Variants in WWOX observed in about 807,000 individuals in gnomAD.
WWOX encodes the protein WW domain-containing oxidoreductase.
WWOX carries 69 observed loss-of-function variants against 46.2 expected under a neutral mutation model. The observed-to-expected ratio is 1.49, with a 90% confidence interval of 1.23 to 1.82. The LOEUF (loss-of-function observed/expected upper bound fraction) is 1.82. Ranked by LOEUF, WWOX falls within the 40% of genes most tolerant of loss-of-function variation. The pLI is 0.00. For synonymous variants in WWOX, 359 were observed against 202.6 expected, an observed-to-expected ratio of 1.77 and a Z score of -6.56; for missense variants, 919 against 542.6, an observed-to-expected ratio of 1.69 and a Z score of -6.89.
intron 8 of WWOX, among the ~76,000 whole-genome samples, chr16:78,630,042 G>T (rs548545392): frequency 1.3e-5 from 2 of 152,176 alleles, no homozygotes; most frequent in East Asian, 3.9e-4. Flanking sequence ...TCTCACTCAT[G>T]TAGACTCGAA....
chr16:78,499,031 G>C (rs946552651), intron 8 of WWOX, among the ~76,000 whole-genome samples: 1 of 152,182 alleles, frequency 6.6e-6, no homozygotes, highest in African/African-American at 2.4e-5. Flanking sequence ...TTAATAGTTT[G>C]GCCTCTGGCA....
At chr16:78,646,106 T>C (rs2142129151) in intron 8 of WWOX, among the ~76,000 whole-genome samples, 1 of 152,290 alleles carries the variant, frequency 6.6e-6, no homozygotes, top group East Asian at 1.9e-4. Context: ...AGAACTTACA[T>C]CCCTCTACAA....
chr16:78,225,109 T>A (rs2037008213), intron 5 of WWOX, among the ~76,000 whole-genome samples: 1 of 152,218 alleles, frequency 6.6e-6, no homozygotes, highest in Admixed American at 6.5e-5. Flanking sequence ...ATGAAGATCA[T>A]AGAGTGTATT....
At chr16:78,791,219 G>A (rs1404325797) in intron 8 of WWOX, among the ~76,000 whole-genome samples, 1 of 151,846 alleles carries the variant, frequency 6.6e-6, no homozygotes, top group African/African-American at 2.4e-5. Context: ...GGGACAGGGC[G>A]GCCTCATGAA....
At chr16:79,045,335 A>G (rs1369932650) in intron 8 of WWOX, among the ~76,000 whole-genome samples, 1 of 152,128 alleles carries the variant, frequency 6.6e-6, no homozygotes, top group Non-Finnish European at 1.5e-5. Flanking sequence ...CTGGAGTTGC[A>G]TTTTAATTGG....
intron 8 of WWOX, among the ~76,000 whole-genome samples, chr16:78,784,182 A>C (rs985989646): frequency 1.3e-5 from 2 of 152,192 alleles, no homozygotes; most frequent in African/African-American, 4.8e-5. Context: ...TGTAACGTGC[A>C]CATCATTCAA....
At chr16:78,865,421 T>C (rs2043982583) in intron 8 of WWOX, among the ~76,000 whole-genome samples, 1 of 152,234 alleles carries the variant, frequency 6.6e-6, no homozygotes, top group Non-Finnish European at 1.5e-5. Flanking sequence ...TCCAGTGGAC[T>C]TTGATTCACA....
intron 8 of WWOX, among the ~76,000 whole-genome samples, chr16:78,466,273 A>C (rs1287024364): frequency 1.3e-5 from 2 of 151,936 alleles, no homozygotes; most frequent in Non-Finnish European, 2.9e-5. Flanking sequence ...CCTTTTGATC[A>C]GCCTGCCTTG....
chr16:78,293,726 C>G (rs1218181294), intron 5 of WWOX, among the ~76,000 whole-genome samples: 1 of 151,982 alleles, frequency 6.6e-6, no homozygotes, highest in Non-Finnish European at 1.5e-5. Flanking sequence ...GCCTGTAATC[C>G]CAGCACTTTG....
intron 8 of WWOX, among the ~76,000 whole-genome samples, chr16:78,466,645 C>G (rs1225051123): frequency 2.6e-5 from 4 of 152,052 alleles, no homozygotes; most frequent in Non-Finnish European, 5.9e-5. Context: ...GCCTGGCCAA[C>G]ATGGTGAAAC....
At chr16:78,283,513 T>C (rs1421719143) in intron 5 of WWOX, among the ~76,000 whole-genome samples, 1 of 152,202 alleles carries the variant, frequency 6.6e-6, no homozygotes, top group Non-Finnish European at 1.5e-5. Flanking sequence ...GTAAATATAT[T>C]ATACACAGCT....
intron 8 of WWOX, among the ~76,000 whole-genome samples, chr16:78,799,948 G>C (rs1369214510): frequency 6.6e-6 from 1 of 152,116 alleles, no homozygotes; most frequent in Non-Finnish European, 1.5e-5. Flanking sequence ...GCACTAGTTA[G>C]GAACTTCCCC....
intron 8 of WWOX, among the ~76,000 whole-genome samples, chr16:79,163,820 G>GAC (rs2050536684): frequency 8.4e-6 from 1 of 118,480 alleles, no homozygotes; most frequent in Non-Finnish European, 1.7e-5. Context: ...AAAAAAAAGA[G>GAC]AGAGAGAATA....
intron 8 of WWOX, among the ~76,000 whole-genome samples, chr16:78,526,766 G>C (rs1013435618): frequency 4.6e-5 from 7 of 152,166 alleles, no homozygotes; most frequent in African/African-American, 7.2e-5. Context: ...AGGGCAACAG[G>C]GGCAGTGGGT....
intron 8 of WWOX, among the ~76,000 whole-genome samples, chr16:78,536,618 A>G (rs976180613): frequency 2.6e-5 from 4 of 152,104 alleles, no homozygotes; most frequent in Non-Finnish European, 5.9e-5. Context: ...AAGTGTCAAC[A>G]TTGAATCAAT....
At chr16:78,285,778 G>A (rs770365218) in intron 5 of WWOX, among the ~76,000 whole-genome samples, 9 of 152,120 alleles carry the variant, frequency 5.9e-5, no homozygotes, top group Non-Finnish European at 1.0e-4. Context: ...TACTTCAAGA[G>A]CCCTTCCCTT....
chr16:78,324,796 C>T (rs1296560579), intron 5 of WWOX, among the ~76,000 whole-genome samples: 7 of 35,466 alleles, frequency 2.0e-4, no homozygotes, highest in Non-Finnish European at 2.1e-4. Flanking sequence ...TGGGGGTGGG[C>T]GGGATAGGAG....
chr16:78,707,994 C>T (rs866923893), intron 8 of WWOX, among the ~76,000 whole-genome samples: 3 of 152,120 alleles, frequency 2.0e-5, no homozygotes, highest in Non-Finnish European at 4.4e-5. Context: ...CTTTGGTCTT[C>T]TGACCTGAAA....
intron 8 of WWOX, among the ~76,000 whole-genome samples, chr16:78,972,139 T>C (rs535008696): frequency 1.3e-5 from 2 of 152,296 alleles, no homozygotes; most frequent in South Asian, 2.1e-4. Flanking sequence ...AGGAGGAAGC[T>C]TGGGGCAGGT....
Sources: gnomAD v4.1 joint callset for allele counts (sites outside exome capture counted in the v4.1 genomes callset) on GRCh38, gnomAD v4.1.1 for gene constraint, MANE v1.5 for transcripts, NCBI Gene and HGNC (gene_info 2026-07-23, HGNC 2026-07-21) for gene names.